The following FILIP1L variants were observed in gnomAD, a reference collection of about 807,000 sequenced individuals.
FILIP1L encodes the protein filamin A interacting protein 1 like.
In FILIP1L, 55 loss-of-function variants were observed where a neutral mutation model predicts 96.6. The ratio of observed to expected loss-of-function variants is 0.57; its 90% CI spans 0.46 to 0.71. The LOEUF (loss-of-function observed/expected upper bound fraction) is 0.71. Ranked by LOEUF, FILIP1L falls within the 30% of genes least tolerant of loss-of-function variation. FILIP1L has a pLI of 0.00. For synonymous variants in FILIP1L, 467 were observed against 473.9 expected, an observed-to-expected ratio of 0.99 and a Z score of 0.19; for missense variants, 1,304 against 1,321.2, an observed-to-expected ratio of 0.99 and a Z score of 0.20.
chr3:99,960,335 A>G (rs1302451939), intron 1 of FILIP1L, among the ~76,000 whole-genome samples: 1 of 152,168 alleles, frequency 6.6e-6, no homozygotes, highest in East Asian at 1.9e-4. Flanking sequence ...CGAGGGCTCC[A>G]AAAAGTTAAG....
At chr3:99,929,574 G>A (rs1707408501) in intron 3 of FILIP1L, among the ~76,000 whole-genome samples, 1 of 152,118 alleles carries the variant, frequency 6.6e-6, no homozygotes, top group African/African-American at 2.4e-5. Flanking sequence ...GTGTGTGTTT[G>A]TGTGTGTATG....
intron 5 of FILIP1L, among the ~76,000 whole-genome samples, chr3:99,839,224 G>T (rs1476398045): frequency 6.6e-6 from 1 of 152,118 alleles, no homozygotes; most frequent in Non-Finnish European, 1.5e-5. Context: ...TGTCTATATA[G>T]TTCCTTCTCT....
chr3:99,972,947 T>G (rs1318321864), intron 1 of FILIP1L, among the ~76,000 whole-genome samples: 1 of 152,232 alleles, frequency 6.6e-6, no homozygotes, highest in African/African-American at 2.4e-5. Flanking sequence ...AAAGAGCATC[T>G]TTTGATCTTC....
At chr3:99,991,742 C>A (rs1470980935) in intron 1 of FILIP1L, among the ~76,000 whole-genome samples, 1 of 151,714 alleles carries the variant, frequency 6.6e-6, no homozygotes, top group East Asian at 1.9e-4. Flanking sequence ...AGGATAATGG[C>A]CTCCAGTTCC....
intron 5 of FILIP1L, among the ~76,000 whole-genome samples, chr3:99,834,489 C>T (rs1469943879): frequency 6.6e-6 from 1 of 152,190 alleles, no homozygotes; most frequent in African/African-American, 2.4e-5. Flanking sequence ...ATAAAGTTTT[C>T]AAAATCGCTC....
At position 99,841,645 on chromosome 3, in the gene FILIP1L, C is replaced by T. The variant is rs138413823; in HGVS notation, c.3381+6650G>A. Reference sequence around the variant, plus strand: ...CCTTTAAAGAGCTGAACAAAACAGGCGCAATCCCATCATAAAAATGGGCTA... The same window carrying T: ...CCTTTAAAGAGCTGAACAAAACAGGTGCAATCCCATCATAAAAATGGGCTA... On this transcript the variant is annotated intron_variant, in intron 5 of 5. Transcript: ENST00000477258. 7.6e-4 allele frequency among the ~76,000 whole-genome samples: 116 copies of T among 152,102 alleles called. 1 individual carries two copies. Among genetic ancestry groups the T allele is most frequent in the African/African-American group, 2.5e-3 (104 of 41,492 alleles).
At chr3:99,835,354 G>A (rs1559649562) in intron 5 of FILIP1L, among the ~76,000 whole-genome samples, 1 of 152,136 alleles carries the variant, frequency 6.6e-6, no homozygotes, top group Non-Finnish European at 1.5e-5. Flanking sequence ...CATGTCTTTT[G>A]TTTGAAAAAT....
chr3:100,083,775 A>C (rs185872223), intron 1 of FILIP1L, among the ~76,000 whole-genome samples: 1 of 152,240 alleles, frequency 6.6e-6, no homozygotes, highest in East Asian at 1.9e-4. Context: ...GGGTCTCCCT[A>C]TGTTGCCCAG....
At chr3:99,831,786 T>G (rs1942676251) in intron 5 of FILIP1L, among the ~76,000 whole-genome samples, 1 of 152,216 alleles carries the variant, frequency 6.6e-6, no homozygotes, top group Non-Finnish European at 1.5e-5. Flanking sequence ...TGTCCAGCAA[T>G]TCACATTTTT....
intron 4 of FILIP1L, among the ~76,000 whole-genome samples, chr3:99,916,850 C>T (rs376220548): frequency 1.4e-4 from 21 of 152,286 alleles, no homozygotes; most frequent in African/African-American, 4.8e-4. Flanking sequence ...ATCATCTTCA[C>T]GGCTGGCCAA....
chr3:99,914,856 G>T (rs959642926), intron 4 of FILIP1L, among the ~76,000 whole-genome samples: 1 of 152,236 alleles, frequency 6.6e-6, no homozygotes, highest in Non-Finnish European at 1.5e-5. Flanking sequence ...TGATGCACCT[G>T]TGTGATACAG....
At chr3:99,869,834 T>G (rs1456349753) in intron 4 of FILIP1L, among the ~76,000 whole-genome samples, 1 of 152,210 alleles carries the variant, frequency 6.6e-6, no homozygotes, top group African/African-American at 2.4e-5. Context: ...GTTCCAGGAC[T>G]GGTGGGCCAT....
At chr3:99,875,969 G>C (rs1705491637) in intron 4 of FILIP1L, 3 of 790,560 alleles carry the variant, frequency 3.8e-6, no homozygotes, top group Non-Finnish European at 4.6e-6. Flanking sequence ...CCTGTCTGCA[G>C]TTTGTGATGC....
chr3:99,983,456 A>ATATGTG (rs796519364), intron 1 of FILIP1L, among the ~76,000 whole-genome samples: 8 of 9,868 alleles, frequency 8.1e-4, no homozygotes, highest in South Asian at 4.0e-3. Context: ...GTATATATAT[A>ATATGTG]TATGTGTGTA....
At chr3:100,049,415 T>C (rs1444269711) in intron 1 of FILIP1L, among the ~76,000 whole-genome samples, 2 of 152,182 alleles carry the variant, frequency 1.3e-5, no homozygotes, top group Non-Finnish European at 2.9e-5. Context: ...CTCAGCATTA[T>C]AAGGGAGGTT....
In FILIP1L at chr3:99,969,429, A is replaced by G. The variant is rs567157338; in HGVS notation, c.-10-38399T>C. On this transcript the variant is annotated intron_variant, in intron 1 of 5. Transcript: ENST00000477258. ...GAGATTGAGGACTGCAGATTTATAT[A>G]GTTGCGTCAATCTGAAAGCTGACTT... is the stretch of plus-strand genomic sequence containing the variant. Among the ~76,000 whole-genome samples the G allele has an allele frequency of 4.6e-5, 7 of 152,312 alleles. No individual in the cohort carries two copies. In the East Asian group the frequency reaches 7.7e-4, roughly 17 times the overall value.
chr3:99,861,836 A>C (rs1944274737), intron 4 of FILIP1L, among the ~76,000 whole-genome samples: 1 of 152,190 alleles, frequency 6.6e-6, no homozygotes, highest in East Asian at 1.9e-4. Context: ...CAGTTTTTGC[A>C]GCTGAATCCC....
rs1707423524 is a variant in FILIP1L, at chr3:99,929,935, A to G, written c.347T>C (p.Leu116Ser). The G allele has an allele frequency of 1.2e-6, 2 of 1,614,088 alleles. No homozygotes were observed. Among genetic ancestry groups the G allele is most frequent in the Non-Finnish European group, 1.7e-6 (2 of 1,179,996 alleles). Residue 116 changes from leucine (L) to serine (S), a missense_variant, in exon 3 of 6, where the codon TTA (leucine) becomes TCA (serine). Coordinates refer to ENST00000477258, the MANE Select transcript of FILIP1L (RefSeq NM_001387850.1). Reference protein sequence around the residue: ...QYGFVTPKKVLEALQRDAFQA... With the variant: ...QYGFVTPKKVSEALQRDAFQA... ...AAAAGCATCTCTCTGGAGAGCCTCT[A>G]ACACCTTTTTTGGAGTGACAAACCC...
chr3:99,952,088 A>G (rs1429273558), intron 1 of FILIP1L, among the ~76,000 whole-genome samples: 2 of 152,196 alleles, frequency 1.3e-5, no homozygotes, highest in South Asian at 2.1e-4. Context: ...TGAAGCTGTT[A>G]AAGAGAATAT....
Sources: allele counts gnomAD v4.1 joint callset (sites outside exome capture counted in the v4.1 genomes callset), GRCh38; gene constraint gnomAD v4.1.1; transcripts MANE v1.5; gene names NCBI Gene and HGNC (gene_info 2026-07-23, HGNC 2026-07-21).